Variants in RBKS observed in about 807,000 individuals in gnomAD.
RBKS encodes the protein ribokinase.
Under a neutral mutation model 33.9 loss-of-function variants are expected in RBKS, and 33 were observed. The ratio of observed to expected loss-of-function variants is 0.97; its 90% CI spans 0.74 to 1.30. The LOEUF (loss-of-function observed/expected upper bound fraction) is 1.30. Ranked by LOEUF, RBKS falls within the 50% of genes most tolerant of loss-of-function variation. The probability of loss-of-function intolerance (pLI) is 0.00; values close to 1 mark genes in which losing one functional copy is unlikely to be tolerated. For synonymous variants in RBKS, 125 were observed against 143.0 expected (o/e 0.87, Z 0.90); for missense variants, 361 against 392.6 (o/e 0.92, Z 0.68).
chr2:27,781,464 T>C lies in RBKS; in HGVS notation c.*151A>G, dbSNP rs1471687456. The C allele has an allele frequency of 8.1e-6, 5 of 617,686 alleles. No individual in the cohort carries two copies. Among genetic ancestry groups the C allele is most frequent in the Non-Finnish European group, 1.1e-5 (4 of 365,738 alleles). 38.3% of individuals were successfully genotyped at this position (617,686 alleles called of 1,614,324 possible). A position where few individuals can be genotyped will look rare whatever the true frequency, so the allele number is the denominator to read the frequency against. ...ATGGAAAGCAAAAGAATCATCGTTA[T>C]AAATAAATTGAAGCTTGAGGATGAC... On this transcript the variant is annotated 3_prime_UTR_variant, in exon 8 of 8. Coordinates refer to ENST00000302188, the MANE Select transcript of RBKS (RefSeq NM_022128.3).
At chr2:27,840,327 TACACACACACACACACAC>T (rs544313433) in intron 5 of RBKS, among the ~76,000 whole-genome samples, 1 of 117,810 alleles carries the variant, frequency 8.5e-6, no homozygotes, top group African/African-American at 3.1e-5. Flanking sequence ...GATGATGCAT[TACACACACACACACACAC>T]ACACACACAC....
chr2:27,842,305 C>G (rs1357962696), intron 5 of RBKS, among the ~76,000 whole-genome samples: 1 of 152,130 alleles, frequency 6.6e-6, no homozygotes, highest in Non-Finnish European at 1.5e-5. Context: ...AGGTTGATAA[C>G]TGGAAGCTGG....
chr2:27,786,016 A>G (rs1677391841), intron 7 of RBKS, among the ~76,000 whole-genome samples: 1 of 152,250 alleles, frequency 6.6e-6, no homozygotes, highest in African/African-American at 2.4e-5. Context: ...GTCTAGCAAC[A>G]GAAGCACATA....
chr2:27,802,433 TG>T (rs2148189802), intron 7 of RBKS, among the ~76,000 whole-genome samples: 1 of 53,956 alleles, frequency 1.9e-5, no homozygotes, highest in Admixed American at 2.4e-4. Flanking sequence ...CATATGTTTG[TG>T]TGTGTGTGTG....
At chr2:27,808,365 C>G (rs1425556086) in intron 7 of RBKS, among the ~76,000 whole-genome samples, 2 of 152,164 alleles carry the variant, frequency 1.3e-5, no homozygotes, top group African/African-American at 4.8e-5. Flanking sequence ...ATTTAGTAAC[C>G]ATTTTTAAGA....
Position 27,843,196 on chromosome 2 carries a change from A to C in RBKS, c.385T>G (p.Leu129Val), listed in dbSNP as rs1663550526. ...CTCAGATCCTCCGTATTCAAAAGTA[A>C]ATTTGCTCCAGCCACTATGACAATG... ...NIIVIVAGAN[L>V]LLNTEDLRAA... The change falls in exon 5 of 8, where the codon TTA becomes GTA. Residue 129 changes from leucine to valine, a missense_variant. Physicochemically the swap from Leu to Val is conservative, Grantham distance 32. Coordinates refer to ENST00000302188, the MANE Select transcript of RBKS (RefSeq NM_022128.3). 6.2e-7 allele frequency: 1 copy of C among 1,612,340 alleles called. No individual in the cohort carries two copies. The highest frequency in any genetic ancestry group is 8.5e-7 in the Non-Finnish European group (1 of 1,179,202).
At chr2:27,851,357 C>T (rs1222722173) in intron 2 of RBKS, among the ~76,000 whole-genome samples, 1 of 152,128 alleles carries the variant, frequency 6.6e-6, no homozygotes, top group Non-Finnish European at 1.5e-5. Flanking sequence ...CCTCCTATGA[C>T]ATTCCTAATC....
At chr2:27,789,795 C>A (rs568700935) in intron 7 of RBKS, among the ~76,000 whole-genome samples, 4 of 150,718 alleles carry the variant, frequency 2.7e-5, no homozygotes, top group African/African-American at 9.7e-5. Context: ...GAGCTCCTGA[C>A]CTCGTGATCC....
intron 5 of RBKS, among the ~76,000 whole-genome samples, chr2:27,834,720 A>G (rs576079770): frequency 5.3e-5 from 8 of 152,336 alleles, no homozygotes; most frequent in African/African-American, 1.9e-4. Context: ...ACAACTGCTC[A>G]CCTAGTGTAA....
At chr2:27,794,923 C>A (rs1418742090) in intron 7 of RBKS, among the ~76,000 whole-genome samples, 2 of 152,052 alleles carry the variant, frequency 1.3e-5, no homozygotes, top group Non-Finnish European at 2.9e-5. Flanking sequence ...TATGCCCAGC[C>A]CAGGAGGAAC....
intron 2 of RBKS, among the ~76,000 whole-genome samples, chr2:27,853,040 T>C (rs1663783540): frequency 6.6e-6 from 1 of 152,262 alleles, no homozygotes; most frequent in Non-Finnish European, 1.5e-5. Context: ...TTGCTGGTTG[T>C]TTAAATCCTA....
intron 2 of RBKS, among the ~76,000 whole-genome samples, chr2:27,849,583 A>G (rs12479067): frequency 2.9e-5 from 4 of 135,706 alleles, no homozygotes; most frequent in Non-Finnish European, 4.6e-5. Flanking sequence ...AAAAAAAAAA[A>G]AAAGAAAAAG....
At chr2:27,878,381 T>C (rs1317108008) in intron 1 of RBKS, among the ~76,000 whole-genome samples, 1 of 150,694 alleles carries the variant, frequency 6.6e-6, no homozygotes, top group Middle Eastern at 3.2e-3. Flanking sequence ...TATGGCTGCA[T>C]AGTATTCCAT....
At chr2:27,805,635 C>A (rs555683200) in intron 7 of RBKS, among the ~76,000 whole-genome samples, 8 of 152,096 alleles carry the variant, frequency 5.3e-5, no homozygotes, top group African/African-American at 1.7e-4. Context: ...AGTGCAGTGG[C>A]GCGATCTCAG....
rs1434518797 is a variant in RBKS, at chr2:27,858,589, G to A, written c.90-18C>T. On this transcript the variant is annotated intron_variant, in intron 1 of 7. Transcript: ENST00000302188. The stretch of plus-strand genomic sequence containing the variant: ...AAGTAAGACTATTGTAATTTAAAAA[G>A]AGAAGAAAAAAGCATATTGGTAACT... 1 of 1,606,032 alleles carries A rather than the reference G, an allele frequency of 6.2e-7. No homozygotes were observed.
chr2:27,783,640 G>C (rs138756327), intron 7 of RBKS, among the ~76,000 whole-genome samples: 1,817 of 152,260 alleles, frequency 0.012, 39 homozygotes, highest in African/African-American at 0.041. Flanking sequence ...GGGCGCAGTG[G>C]CTCACGCCTG....
At chr2:27,852,069 G>T (rs1210836138) in intron 2 of RBKS, among the ~76,000 whole-genome samples, 1 of 152,126 alleles carries the variant, frequency 6.6e-6, no homozygotes, top group Non-Finnish European at 1.5e-5. Flanking sequence ...AGCAACTATG[G>T]ACAAGCACCT....
At chr2:27,859,190 G>A (rs1663922250) in intron 1 of RBKS, among the ~76,000 whole-genome samples, 1 of 152,070 alleles carries the variant, frequency 6.6e-6, no homozygotes, top group African/African-American at 2.4e-5. Flanking sequence ...CACTCAAAAA[G>A]GGTGTCTATT....
intron 4 of RBKS, among the ~76,000 whole-genome samples, chr2:27,845,577 T>A (rs1471214677): frequency 6.6e-6 from 1 of 152,192 alleles, no homozygotes; most frequent in Admixed American, 6.5e-5. Flanking sequence ...AGACAAGGAA[T>A]GAGCTGCTGT....
Sources: allele counts gnomAD v4.1 joint callset (sites outside exome capture counted in the v4.1 genomes callset), GRCh38; gene constraint gnomAD v4.1.1; transcripts MANE v1.5; gene names NCBI Gene and HGNC (gene_info 2026-07-23, HGNC 2026-07-21).